SF3B2: variants seen among roughly 807,000 people sequenced by gnomAD.
The protein encoded by SF3B2 is splicing factor 3b subunit 2, also known as SAP 145.
A neutral mutation model predicts 116.3 loss-of-function variants in SF3B2; 22 were observed. The observed-to-expected ratio is 0.19, with a 90% CI of 0.14 to 0.27. SF3B2 has a LOEUF of 0.27. SF3B2 is among the 10% of genes least tolerant of loss of function. The probability of loss-of-function intolerance (pLI) is 1.00; values close to 1 mark genes in which losing one functional copy is unlikely to be tolerated. For missense variants in SF3B2, 767 were observed against 1,151.4 expected (o/e 0.67, Z 4.83); for synonymous variants, 406 against 421.6 (o/e 0.96, Z 0.45).
In SF3B2 at chr11:66,062,970, C is replaced by T. The variant is rs759978523; in HGVS notation, c.1978-39C>T. On this transcript the variant is annotated intron_variant, in intron 16 of 21. Transcript: ENST00000322535. ...CTCTAGGGCTTCAGAATTTCTTTTGCAGCTAAGGAGTGAACTGATTGTGCT... is the reference window on the plus strand; with the variant it reads ...CTCTAGGGCTTCAGAATTTCTTTTGTAGCTAAGGAGTGAACTGATTGTGCT... 3.6e-6 allele frequency: 5 copies of T among 1,395,246 alleles called. No individual in the cohort carries two copies. The East Asian group carries it at 9.5e-5, about 27-fold the overall frequency. 86.4% of individuals were successfully genotyped at this position (1,395,246 alleles called of 1,614,324 possible).
At chr11:66,053,175 G>T (rs1436503561) in intron 3 of SF3B2, 71 bp downstream of exon 3, 1 of 1,411,496 alleles carries the variant, frequency 7.1e-7, no homozygotes, top group African/African-American at 1.4e-5. Flanking sequence ...ATGATGATTG[G>T]GTGTTCACGT....
chr11:66,058,664 T>C lies in SF3B2; in HGVS notation c.967-166T>C, dbSNP rs75054534. ...CATACAGCTTGTGAGTGGCAGAACT[T>C]TGGAGTCTGACTCCAAGGCCCCTTC... On this transcript the variant is annotated intron_variant, in intron 9 of 21. Transcript: ENST00000322535. 1.2e-3 allele frequency: 800 copies of C among 660,660 alleles called. 13 individuals carry two copies. The East Asian group carries it at 0.017, about 14-fold the overall frequency. The allele number at this position is 660,660 out of a possible 1,614,324, so 40.9% of individuals were successfully genotyped here.
rs1158401755 is a variant in SF3B2, at chr11:66,059,344, G to A, written c.1320+6G>A. The A allele has an allele frequency of 2.0e-5, 32 of 1,613,736 alleles. No homozygotes were observed. Among genetic ancestry groups the A allele is most frequent in the Non-Finnish European group, 2.5e-5 (30 of 1,179,916 alleles). ...ACAGCAGTGATGACGAGCAGGTCAGGCCCAGCCCTCCTGGTGGGAAGCAGG... is the reference window on the plus strand; with the variant it reads ...ACAGCAGTGATGACGAGCAGGTCAGACCCAGCCCTCCTGGTGGGAAGCAGG... On this transcript the variant is annotated splice_donor_region_variant and intron_variant, in intron 11 of 21. Coordinates refer to ENST00000322535, the MANE Select transcript of SF3B2 (RefSeq NM_006842.3). The surrounding 1 kb of genome is among the most constrained non-coding windows in gnomAD (Gnocchi z 5.0).
chr11:66,063,105 G>A lies in SF3B2; in HGVS notation c.2074G>A (p.Ala692Thr). ...LYGDVFGTNA[A>T]EFQTKTEEEE... Reference sequence around the variant, plus strand: ...TGGGGACGTGTTTGGAACCAATGCTGCTGAATTTCAGGTATGGGCCATGTA... The same window carrying A: ...TGGGGACGTGTTTGGAACCAATGCTACTGAATTTCAGGTATGGGCCATGTA... Residue 692 changes from alanine (A) to threonine (T), a missense_variant, in exon 17 of 22, where the codon GCT (alanine) becomes ACT (threonine). Ala to Thr is a moderately conservative substitution (Grantham distance 58). This residue lies in a region of SF3B2 where 282 missense variants were observed against 568.0 expected (regional missense o/e 0.50). Transcript: ENST00000322535. 6.2e-7 allele frequency: 1 copy of A among 1,612,796 alleles called. No individual in the cohort carries two copies.
chr11:66,060,783 CT>C lies in SF3B2; in HGVS notation c.1779+53del, dbSNP rs747531897. The C allele has an allele frequency of 3.2e-6, 5 of 1,561,508 alleles. No individual in the cohort carries two copies. The African/African-American group carries it at 5.5e-5, about 17-fold the overall frequency. ...GGCTGGGCCTTGGGGTTGAGACTGT[CT>C]AGGGCTTTTTTTTGTTTGTTTGTTT... On this transcript the variant is annotated intron_variant, in intron 14 of 21. Transcript: ENST00000322535.
At chr11:66,068,362 G>C (rs1857223741) in intron 21 of SF3B2, 29 bp downstream of exon 21, 1 of 1,542,208 alleles carries the variant, frequency 6.5e-7, no homozygotes, top group African/African-American at 1.4e-5. Context: ...GCTGGGCTGG[G>C]TGAGAGCCAG....
chr11:66,068,400 A>G (rs2134480164), intron 21 of SF3B2, 67 bp downstream of exon 21: 1 of 1,477,228 alleles, frequency 6.8e-7, no homozygotes, highest in Non-Finnish European at 9.1e-7. Flanking sequence ...TTTCAGTGGC[A>G]TGGTGCCCTC....
At chr11:66,061,025 A>G (rs1169324352) in intron 14 of SF3B2, among the ~76,000 whole-genome samples, 3 of 152,018 alleles carry the variant, frequency 2.0e-5, no homozygotes, top group Non-Finnish European at 2.9e-5. Context: ...GGAACTCCTG[A>G]GCTCAAGTGA....
At chr11:66,054,941 A>G in intron 3 of SF3B2, 135 bp from the exon 4 acceptor site, 1 of 795,256 alleles carries the variant, frequency 1.3e-6, no homozygotes, top group South Asian at 2.4e-5. Flanking sequence ...GCTGTGGAGC[A>G]TTCTCTCTTA....
At chr11:66,052,651 G>A in intron 1 of SF3B2, 22 bp from the exon 2 acceptor site, 1 of 1,597,638 alleles carries the variant, frequency 6.3e-7, no homozygotes, top group Non-Finnish European at 8.5e-7. Context: ...CTGCCCCATT[G>A]ATCGTGTACT....
chr11:66,066,391 G>A (rs1041421957), intron 19 of SF3B2: 3 of 152,026 alleles, frequency 2.0e-5, no homozygotes, highest in Non-Finnish European at 2.9e-5. Flanking sequence ...CAATCATCCT[G>A]CCTCAGCTTC....
chr11:66,055,624 G>C (rs763409674), intron 5 of SF3B2, 39 bp downstream of exon 5: 3 of 1,598,276 alleles, frequency 1.9e-6, no homozygotes, highest in Non-Finnish European at 8.6e-7. Flanking sequence ...TCGTGGTCCA[G>C]TCAGTTGGCT....
rs1230657596 is a variant in SF3B2, at chr11:66,060,011, T to C, written c.1629+2T>C. The C allele has an allele frequency of 5.0e-6, 8 of 1,613,148 alleles. No homozygotes were observed. The East Asian group carries it at 1.6e-4, about 31-fold the overall frequency. ...ATGCGAGAGGCCCTGCAGGAGAAGG[T>C]GAGGGCCTGGCAGGGCTCAGACCTG... On this transcript the variant is annotated splice_donor_variant, in intron 13 of 21. Coordinates refer to ENST00000322535, the MANE Select transcript of SF3B2 (RefSeq NM_006842.3). LOFTEE classifies it high-confidence loss of function.
Position 66,067,800 on chromosome 11 carries a change from T to C in SF3B2, c.2331-146T>C, listed in dbSNP as rs371468080. 173 of 664,940 alleles carry C rather than the reference T, an allele frequency of 2.6e-4. 4 individuals carry two copies. The South Asian group carries it at 2.9e-3, about 11-fold the overall frequency. The allele number at this position is 664,940 out of a possible 1,614,324, so 41.2% of individuals were successfully genotyped here. A position where few individuals can be genotyped will look rare whatever the true frequency, so the allele number is the denominator to read the frequency against. On this transcript the variant is annotated intron_variant, in intron 19 of 21. Transcript: ENST00000322535. Reference sequence around the variant, plus strand: ...CCCCCCGCCCAATTCTTTTCTGTCATGGGCAGAACTGCAGAGGCTGCATCC... The same window carrying C: ...CCCCCCGCCCAATTCTTTTCTGTCACGGGCAGAACTGCAGAGGCTGCATCC...
chr11:66,061,911 C>A lies in SF3B2; in HGVS notation c.1890C>A (p.Pro630=). ...PVGPNAHKVP[P]PWLIAMQRYG... The stretch of plus-strand genomic sequence containing the variant: ...TGCAGAATGCCCACAAGGTCCCTCC[C>A]CCATGGCTGATTGCCATGCAGCGAT... The change falls in exon 16 of 22, where the codon CCC becomes CCA. Residue 630 remains proline, a synonymous_variant. Coordinates refer to ENST00000322535, the MANE Select transcript of SF3B2 (RefSeq NM_006842.3). The A allele has an allele frequency of 6.2e-7, 1 of 1,613,674 alleles. No individual in the cohort carries two copies. The highest frequency in any genetic ancestry group is 8.5e-7 in the Non-Finnish European group (1 of 1,179,792).
intron 3 of SF3B2, 149 bp downstream of exon 3, chr11:66,053,253 A>G (rs1327939786): frequency 9.0e-6 from 7 of 774,282 alleles, no homozygotes; most frequent in South Asian, 1.5e-5. Flanking sequence ...AAAAGATTCC[A>G]TATGTTCAGG....
rs963226649 is a variant in SF3B2, at chr11:66,069,156, A to G, written c.*411A>G. 4 of 353,834 alleles carry G rather than the reference A, an allele frequency of 1.1e-5. No homozygotes were observed. The highest frequency in any genetic ancestry group is 1.1e-5 in the Non-Finnish European group (2 of 177,616). 21.9% of individuals were successfully genotyped at this position (353,834 alleles called of 1,614,324 possible). On this transcript the variant is annotated 3_prime_UTR_variant, in exon 22 of 22. Coordinates refer to ENST00000322535, the MANE Select transcript of SF3B2 (RefSeq NM_006842.3). ...TTACTACTTTGTCCTTGGGGAGTAA[A>G]AATAGCCAGATTAGCGCCCTAGCGC...
intron 7 of SF3B2, among the ~76,000 whole-genome samples, chr11:66,057,646 A>C (rs1309524834): frequency 6.6e-6 from 1 of 152,104 alleles, no homozygotes; most frequent in East Asian, 1.9e-4. Context: ...CCTGGGCAGC[A>C]GCCTTTCTAG....
At chr11:66,068,553 G>T (rs1857231780) in intron 21 of SF3B2, 121 bp from the exon 22 acceptor site, 5 of 934,792 alleles carry the variant, frequency 5.3e-6, no homozygotes. Context: ...AGCTCGAAGA[G>T]AATTCAGATT....
Sources: gnomAD v4.1 joint callset for allele counts (sites outside exome capture counted in the v4.1 genomes callset) on GRCh38, gnomAD v4.1.1 for gene constraint, gnomAD v4.1.1 regional missense constraint, Gnocchi (gnomAD v3.1) non-coding constraint, MANE v1.5 for transcripts, NCBI Gene and HGNC (gene_info 2026-07-23, HGNC 2026-07-21) for gene names.